RNF138: variants seen among roughly 807,000 people sequenced by gnomAD.
RNF138 encodes the protein E3 ubiquitin-protein ligase RNF138.
RNF138 carries 12 observed loss-of-function variants against 31.0 expected under a neutral mutation model. That is an observed-to-expected ratio of 0.39 (90% CI 0.25 to 0.63). The LOEUF is 0.63. Ranked by LOEUF, RNF138 falls within the 20% of genes least tolerant of loss-of-function variation. The pLI, the probability that RNF138 is intolerant of heterozygous loss-of-function variation, is 0.52. For missense variants in RNF138, 192 were observed against 300.1 expected (o/e 0.64, Z 2.66); for synonymous variants, 105 against 99.5 (o/e 1.06, Z -0.33).
At chr18:32,102,206 T>C (rs1598848291) in intron 2 of RNF138, among the ~76,000 whole-genome samples, 2 of 134,908 alleles carry the variant, frequency 1.5e-5, no homozygotes, top group Non-Finnish European at 3.2e-5. Context: ...TTTTTTTTTT[T>C]TTTTTTTTTT....
chr18:32,128,932 A>C (rs1467809897), intron 7 of RNF138, among the ~76,000 whole-genome samples, 187 bp from the exon 8 acceptor site: 1 of 152,220 alleles, frequency 6.6e-6, no homozygotes, highest in African/African-American at 2.4e-5. Context: ...TTAATGTCTT[A>C]TTAAAGTTCA....
At chr18:32,126,533 A>G (rs2040386537) in intron 6 of RNF138, among the ~76,000 whole-genome samples, 160 bp from the exon 7 acceptor site, 1 of 152,216 alleles carries the variant, frequency 6.6e-6, no homozygotes, top group Non-Finnish European at 1.5e-5. Flanking sequence ...TATCTAAGGT[A>G]ATTGATTGGG....
chr18:32,126,611 C>T (rs2040388094), intron 6 of RNF138, 82 bp from the exon 7 acceptor site: 1 of 819,938 alleles, frequency 1.2e-6, no homozygotes, highest in South Asian at 1.9e-5. Flanking sequence ...GTAACATATC[C>T]CTGTGTTATT....
Position 32,106,551 on chromosome 18 carries a change from T to A in RNF138, c.111-5203T>A, listed in dbSNP as rs1001122903. ...TGAAAAATTATTTTTTATTTTATTT[T>A]ATTTATTTATTTATTTATTTATTTG... is the stretch of plus-strand genomic sequence containing the variant. On this transcript the variant is annotated intron_variant, in intron 2 of 7. Transcript: ENST00000261593. Among the ~76,000 whole-genome samples the A allele has an allele frequency of 9.0e-5, 13 of 144,846 alleles. No homozygotes were observed. The South Asian group carries it at 1.5e-3, about 16-fold the overall frequency.
chr18:32,119,210 AG>A (rs2040264395), intron 4 of RNF138, among the ~76,000 whole-genome samples: 1 of 151,922 alleles, frequency 6.6e-6, no homozygotes, highest in South Asian at 2.1e-4. Flanking sequence ...TTTCTGGGGG[AG>A]GGGCAGTAGG....
At chr18:32,093,785 G>A (rs947082078) in intron 2 of RNF138, among the ~76,000 whole-genome samples, 1 of 152,180 alleles carries the variant, frequency 6.6e-6, no homozygotes, top group African/African-American at 2.4e-5. Flanking sequence ...GTGTGAGTAA[G>A]GGTTGGAAAG....
chr18:32,121,452 G>T (rs993290527), intron 4 of RNF138, among the ~76,000 whole-genome samples: 1 of 152,158 alleles, frequency 6.6e-6, no homozygotes, highest in Non-Finnish European at 1.5e-5. Flanking sequence ...CCGCGGTCGC[G>T]CCACTGCATT....
intron 2 of RNF138, among the ~76,000 whole-genome samples, chr18:32,107,807 G>T (rs940967533): frequency 6.6e-6 from 1 of 150,742 alleles, no homozygotes; most frequent in African/African-American, 2.4e-5. Context: ...GTGAGCCACT[G>T]TGCCGGCCTT....
At chr18:32,106,984 C>T (rs1458875460) in intron 2 of RNF138, among the ~76,000 whole-genome samples, 4 of 151,922 alleles carry the variant, frequency 2.6e-5, no homozygotes, top group African/African-American at 9.7e-5. Flanking sequence ...TGGAAATTCC[C>T]CTCACACTCT....
chr18:32,111,329 GCTTATGTTA>G (rs2040125917), intron 2 of RNF138, among the ~76,000 whole-genome samples: 1 of 152,166 alleles, frequency 6.6e-6, no homozygotes, highest in Non-Finnish European at 1.5e-5. Context: ...TGAGACAAAA[GCTTATGTTA>G]CTCATCCTTT....
chr18:32,092,923 T>A, intron 2 of RNF138, 37 bp downstream of exon 2: 2 of 1,277,610 alleles, frequency 1.6e-6, no homozygotes, highest in Non-Finnish European at 2.1e-6. Context: ...GGAGCCGGGT[T>A]GTCGCTTAGG....
At chr18:32,123,123 T>A (rs2040332066) in intron 4 of RNF138, among the ~76,000 whole-genome samples, 1 of 152,184 alleles carries the variant, frequency 6.6e-6, no homozygotes, top group African/African-American at 2.4e-5. Context: ...CATGTCCTAG[T>A]TTGAAGTAAA....
intron 2 of RNF138, among the ~76,000 whole-genome samples, chr18:32,105,380 C>T (rs753885628): frequency 6.6e-6 from 1 of 152,168 alleles, no homozygotes; most frequent in Non-Finnish European, 1.5e-5. Context: ...CATGAGCCAC[C>T]GCACTGGCCA....
chr18:32,122,293 T>C (rs2040319139), intron 4 of RNF138: 1 of 152,180 alleles, frequency 6.6e-6, no homozygotes. Context: ...GTGTACACAT[T>C]GTTGTATACA....
chr18:32,095,507 C>T (rs1242785972), intron 2 of RNF138, among the ~76,000 whole-genome samples: 1 of 152,150 alleles, frequency 6.6e-6, no homozygotes, highest in African/African-American at 2.4e-5. Context: ...ATGTCATTTG[C>T]TCTACCTTCT....
At chr18:32,093,026 T>G (rs1310322460) in intron 2 of RNF138, 140 bp downstream of exon 2, 2 of 468,160 alleles carry the variant, frequency 4.3e-6, no homozygotes, top group Admixed American at 8.9e-5. Flanking sequence ...GAGGTCCCGT[T>G]CCCCGCCCCT....
At chr18:32,118,964 TA>T (rs1359994329) in intron 4 of RNF138, among the ~76,000 whole-genome samples, 1 of 152,272 alleles carries the variant, frequency 6.6e-6, no homozygotes, top group East Asian at 1.9e-4. Context: ...GCATATTCTT[TA>T]ATTTTCTTTT....
At chr18:32,116,771 A>T (rs1419582381) in intron 4 of RNF138, among the ~76,000 whole-genome samples, 1 of 151,902 alleles carries the variant, frequency 6.6e-6, no homozygotes, top group South Asian at 2.1e-4. Context: ...ACACATTGAG[A>T]TGGGGTCCTC....
chr18:32,092,644 TC>T (rs903132823), intron 1 of RNF138, 55 bp from the exon 2 acceptor site: 10 of 654,064 alleles, frequency 1.5e-5, no homozygotes, highest in African/African-American at 1.5e-4. Flanking sequence ...CCCGCCCCCT[TC>T]CTGGCGCGCG....
Sources: allele counts gnomAD v4.1 joint callset (sites outside exome capture counted in the v4.1 genomes callset), GRCh38; gene constraint gnomAD v4.1.1; transcripts MANE v1.5; gene names NCBI Gene and HGNC (gene_info 2026-07-23, HGNC 2026-07-21).